Variants in CNPPD1 observed in about 807,000 individuals in gnomAD.
CNPPD1 encodes the protein cyclin Pas1/PHO80 domain containing 1.
In CNPPD1, 40 loss-of-function variants were observed where a neutral mutation model predicts 43.7. That is an observed-to-expected ratio of 0.92 (90% CI 0.71 to 1.19). The LOEUF is 1.19. Ranked by LOEUF, CNPPD1 falls within the 50% of genes most tolerant of loss-of-function variation. CNPPD1 has a pLI of 0.00. For missense variants in CNPPD1, 511 were observed against 518.5 expected (o/e 0.99, Z 0.14); for synonymous variants, 208 against 214.3 (o/e 0.97, Z 0.26).
At chr2:219,177,030 G>T, upstream of CNPPD1, 1 of 483,250 alleles carries the variant, frequency 2.1e-6, no homozygotes, top group Non-Finnish European at 3.7e-6. Context: ...TTCCTGTTCC[G>T]CCCCGGGCTT....
At position 219,172,684 on chromosome 2, in the gene CNPPD1, A is replaced by C; in HGVS notation, c.1135T>G (p.Trp379Gly). ...HTYGLAPPWP[W>G]SPVLLSLPQP... is the part of the protein sequence containing the mutation. ...GGAAGTGAAAGGAGCACCGGGCTCC[A>C]AGGCCAGGGGGGAGCCAGGCCATAG... is the stretch of plus-strand genomic sequence containing the variant. Residue 379 changes from tryptophan to glycine, a missense_variant, in exon 8 of 8, where the codon TGG becomes GGG. Transcript: ENST00000360507. 6.2e-7 allele frequency: 1 copy of C among 1,614,082 alleles called. No homozygotes were observed.
At position 219,174,924 on chromosome 2, in the gene CNPPD1, G is replaced by A. The variant is rs200597462; in HGVS notation, c.382-18C>T. The A allele has an allele frequency of 5.0e-6, 8 of 1,614,198 alleles. No homozygotes were observed. The highest frequency in any genetic ancestry group is 1.3e-5 in the African/African-American group (1 of 75,040). The stretch of plus-strand genomic sequence containing the variant: ...GCCACCATCTGCAGAGGAACCAGAA[G>A]TGGTGGAGCAGAGCTCATAGCAGGC... On this transcript the variant is annotated intron_variant, in intron 4 of 7. Coordinates refer to ENST00000360507, the MANE Select transcript of CNPPD1 (RefSeq NM_015680.6).
At position 219,172,195 on chromosome 2, in the gene CNPPD1, C is replaced by A; in HGVS notation, c.*391G>T. On this transcript the variant is annotated 3_prime_UTR_variant, in exon 8 of 8. Coordinates refer to ENST00000360507, the MANE Select transcript of CNPPD1 (RefSeq NM_015680.6). ...CCCGGCTCTTCTGCCTCAGGGACAT[C>A]ACACAGGCCCATGCCAACATTTCCT... The A allele has an allele frequency of 3.7e-6, 1 of 266,940 alleles. No individual in the cohort carries two copies. Among genetic ancestry groups the A allele is most frequent in the Non-Finnish European group, 7.3e-6 (1 of 137,766 alleles). The allele number at this position is 266,940 out of a possible 1,614,324, so 16.5% of individuals were successfully genotyped here. A position where few individuals can be genotyped will look rare whatever the true frequency, so the allele number is the denominator to read the frequency against.
intron 3 of CNPPD1, 45 bp from the exon 4 acceptor site, chr2:219,175,153 G>A (rs1256065249): frequency 2.0e-6 from 3 of 1,530,428 alleles, no homozygotes; most frequent in African/African-American, 2.8e-5. Flanking sequence ...GGGTCCTTCA[G>A]CTCTTGCAAG....
intron 1 of CNPPD1, 114 bp downstream of exon 1, chr2:219,176,646 C>T: frequency 1.2e-6 from 1 of 850,966 alleles, no homozygotes; most frequent in Non-Finnish European, 1.8e-6. Context: ...CAAGGAAGCA[C>T]TGCTCGAGCA....
chr2:219,175,177 G>T, intron 3 of CNPPD1, 69 bp from the exon 4 acceptor site: 2 of 1,501,976 alleles, frequency 1.3e-6, no homozygotes, highest in Non-Finnish European at 1.8e-6. Flanking sequence ...TATGATGCTC[G>T]TTCCTGTCTT....
chr2:219,175,563 C>A, intron 3 of CNPPD1, 28 bp downstream of exon 3: 1 of 1,580,116 alleles, frequency 6.3e-7, no homozygotes. Flanking sequence ...CCCAAACACT[C>A]TCATCCTATC....
intron 1 of CNPPD1, 75 bp from the exon 2 acceptor site, chr2:219,176,406 G>A (rs1950162061): frequency 1.4e-5 from 16 of 1,162,396 alleles, no homozygotes; most frequent in Non-Finnish European, 2.0e-5. Flanking sequence ...TGGGCTGGAA[G>A]GCGGGGCAGG....
intron 2 of CNPPD1, 54 bp from the exon 3 acceptor site, chr2:219,175,726 C>T: frequency 7.1e-7 from 1 of 1,410,900 alleles, no homozygotes; most frequent in African/African-American, 1.4e-5. Context: ...ACACCCAACA[C>T]ACCAGTCCCC....
chr2:219,173,934 C>A (rs578201129), intron 6 of CNPPD1, among the ~76,000 whole-genome samples: 1 of 152,136 alleles, frequency 6.6e-6, no homozygotes, highest in Non-Finnish European at 1.5e-5. Flanking sequence ...AACTACCATA[C>A]CCACCCAATA....
rs1178923028 is a variant in CNPPD1 at position 219,174,864 on chromosome 2, C to T, written c.424G>A (p.Glu142Lys). The T allele has an allele frequency of 1.2e-6, 2 of 1,614,176 alleles. No individual in the cohort carries two copies. Among genetic ancestry groups the T allele is most frequent in the Non-Finnish European group, 1.7e-6 (2 of 1,180,036 alleles). Residue 142 changes from glutamate (E) to lysine (K), a missense_variant, in exon 5 of 8, where the codon GAG becomes AAG. Transcript: ENST00000360507. Reference protein sequence around the residue: ...KYLYDEGEEEEVFNDEWGAAG... With the variant: ...KYLYDEGEEEKVFNDEWGAAG... Reference sequence around the variant, plus strand: ...GCTCCCCATTCGTCGTTGAAGACCTCCTCCTCCTCCCCTTCATCATAGAGG... The same window carrying T: ...GCTCCCCATTCGTCGTTGAAGACCTTCTCCTCCTCCCCTTCATCATAGAGG...
chr2:219,177,515 G>C (rs1411937475), upstream of CNPPD1, among the ~76,000 whole-genome samples: 1 of 152,074 alleles, frequency 6.6e-6, no homozygotes, highest in African/African-American at 2.4e-5. Context: ...ATTTAGCAGT[G>C]GGTGAACTAT....
In CNPPD1 at chr2:219,176,275, G is replaced by C; in HGVS notation, c.126C>G (p.Gly42=). The change falls in exon 2 of 8, where the codon GGC becomes GGG. Residue 42 remains glycine (G), a synonymous_variant. Transcript: ENST00000360507. ...GGCTACAGTCGGCTTCCCAGTCCCA[G>C]CCATAGTAGAGCCTCCTTCGGATCC... ...SARIRRRLYY[G]WDWEADCSLE... 1 of 1,614,200 alleles carries C rather than the reference G, an allele frequency of 6.2e-7. No homozygotes were observed. Among genetic ancestry groups the C allele is most frequent in the Non-Finnish European group, 8.5e-7 (1 of 1,180,030 alleles).
rs1435922062 is a variant in CNPPD1 at position 219,172,452 on chromosome 2, C to T, written c.*134G>A. 7.7e-6 allele frequency: 7 copies of T among 910,822 alleles called. No individual in the cohort carries two copies. Among genetic ancestry groups the T allele is most frequent in the Non-Finnish European group, 1.2e-5 (7 of 578,400 alleles). The allele number at this position is 910,822 out of a possible 1,614,324, so 56.4% of individuals were successfully genotyped here. Reference sequence around the variant, plus strand: ...ACCTTCAGTCCTTCTGCCCCACCACCCCATAAGCTCCCACCCAGGAGGACA... The same window carrying T: ...ACCTTCAGTCCTTCTGCCCCACCACTCCATAAGCTCCCACCCAGGAGGACA... On this transcript the variant is annotated 3_prime_UTR_variant, in exon 8 of 8. Coordinates refer to ENST00000360507, the MANE Select transcript of CNPPD1 (RefSeq NM_015680.6).
chr2:219,174,272 G>A, intron 5 of CNPPD1, 65 bp from the exon 6 acceptor site: 1 of 1,511,992 alleles, frequency 6.6e-7, no homozygotes, highest in Non-Finnish European at 9.2e-7. Flanking sequence ...AATAATAAGA[G>A]CCATAGCAGC....
chr2:219,175,238 T>A, intron 3 of CNPPD1, 130 bp from the exon 4 acceptor site: 1 of 1,229,610 alleles, frequency 8.1e-7, no homozygotes, highest in South Asian at 1.6e-5. Context: ...CGGTGGCTCA[T>A]GTCTGTAATC....
In CNPPD1 at chr2:219,173,448, G is replaced by A. The variant is rs141060332; in HGVS notation, c.592C>T (p.Arg198Trp). The A allele has an allele frequency of 2.6e-5, 42 of 1,613,648 alleles. No homozygotes were observed. Among genetic ancestry groups the A allele is most frequent in the East Asian group, 4.5e-5 (2 of 44,882 alleles). Residue 198 changes from arginine to tryptophan, a missense_variant, in exon 7 of 8, where the codon CGG becomes TGG. Transcript: ENST00000360507. ...GTGTAGGTGTACCAGCCTCGCCACC[G>A]TCCCTGCTGCTCAGCCACACTGGGG... ...LESCVAEQQG[R>W]WRGWYTYTDL... is the part of the protein sequence containing the mutation.
Position 219,176,918 on chromosome 2 carries a change from GC to G in CNPPD1, c.-91del. 9.0e-7 allele frequency: 1 copy of G among 1,105,900 alleles called. No homozygotes were observed. Among genetic ancestry groups the G allele is most frequent in the Non-Finnish European group, 1.3e-6 (1 of 779,330 alleles). The allele number at this position is 1,105,900 out of a possible 1,614,324, so 68.5% of individuals were successfully genotyped here. ...GCTGTCCTTGCCCGCCTGTCCACCTGCCAGCCTGCCTCCCCGGGGCGGGCCG... is the reference window on the plus strand; with the variant it reads ...GCTGTCCTTGCCCGCCTGTCCACCTGCAGCCTGCCTCCCCGGGGCGGGCCG... On this transcript the variant is annotated 5_prime_UTR_variant, in exon 1 of 8. Coordinates refer to ENST00000360507, the MANE Select transcript of CNPPD1 (RefSeq NM_015680.6).
At chr2:219,175,713 C>T (rs2106388516) in intron 2 of CNPPD1, 41 bp from the exon 3 acceptor site, 1 of 1,567,582 alleles carries the variant, frequency 6.4e-7, no homozygotes, top group East Asian at 2.2e-5. Flanking sequence ...CAAACAAGCA[C>T]CCACACCCAA....
Sources: gnomAD v4.1 joint callset for allele counts (sites outside exome capture counted in the v4.1 genomes callset) on GRCh38, gnomAD v4.1.1 for gene constraint, MANE v1.5 for transcripts, NCBI Gene and HGNC (gene_info 2026-07-23, HGNC 2026-07-21) for gene names.